Variants in INO80 observed in about 807,000 individuals in gnomAD.
The protein encoded by INO80 is chromatin-remodeling ATPase INO80.
Under a neutral mutation model 203.4 loss-of-function variants are expected in INO80, and 20 were observed. The observed-to-expected ratio is 0.10, with a 90% confidence interval of 0.07 to 0.14. The LOEUF (loss-of-function observed/expected upper bound fraction) is 0.14, where lower values mean the gene tolerates loss of function less well. Among genes scored for constraint, INO80 ranks in the 10% least tolerant of loss-of-function variants. The pLI, the probability that INO80 is intolerant of heterozygous loss-of-function variation, is 1.00. For missense variants in INO80, 1,419 were observed against 1,914.4 expected (o/e 0.74, Z 4.83); for synonymous variants, 726 against 685.2 (o/e 1.06, Z -0.93).
At chr15:41,098,886 T>C (rs980626713) in intron 1 of INO80, among the ~76,000 whole-genome samples, 1 of 151,764 alleles carries the variant, frequency 6.6e-6, no homozygotes, top group African/African-American at 2.4e-5. Context: ...AATAGACACA[T>C]GAAAAAATGC....
chr15:41,046,705 C>G (rs2044773790), intron 23 of INO80, among the ~76,000 whole-genome samples: 1 of 151,960 alleles, frequency 6.6e-6, no homozygotes, highest in South Asian at 2.1e-4. Context: ...GCAACCTCCA[C>G]CTCCTGGGTT....
chr15:41,034,951 G>A (rs1452986562), intron 24 of INO80, among the ~76,000 whole-genome samples: 1 of 152,090 alleles, frequency 6.6e-6, no homozygotes, highest in Non-Finnish European at 1.5e-5. Flanking sequence ...TGAAAATACA[G>A]AGCTTGCAAT....
At chr15:41,061,925 T>G (rs1299890248) in intron 14 of INO80, among the ~76,000 whole-genome samples, 1 of 152,202 alleles carries the variant, frequency 6.6e-6, no homozygotes, top group Non-Finnish European at 1.5e-5. Flanking sequence ...ACTTTTTCTG[T>G]GATGTTTTCT....
rs763562840 is a variant in INO80 at position 40,980,340 on chromosome 15, C to G, written c.4554G>C (p.Leu1518Phe). Reference sequence around the variant, plus strand: ...TCCCAGGAACATTATTTCCCTTGCTCAAAGGGGAACTCAAAGGAGAAGAGG... The same window carrying G: ...TCCCAGGAACATTATTTCCCTTGCTGAAAGGGGAACTCAAAGGAGAAGAGG... ...SSASSPLSSP[L>F]SKGNNVPGNP... is the part of the protein sequence containing the mutation. Residue 1518 changes from leucine to phenylalanine, a missense_variant, in exon 36 of 36, where the codon TTG (leucine) becomes TTC (phenylalanine). Leu to Phe is a conservative substitution (Grantham distance 22). Around this residue, in one of 9 missense-constraint regions of INO80, gnomAD observed 112 missense variants for 106.2 expected, o/e 1.05. Coordinates refer to ENST00000648947, the MANE Select transcript of INO80 (RefSeq NM_017553.3). The G allele has an allele frequency of 1.4e-5, 23 of 1,613,714 alleles. No homozygotes were observed. In the Admixed American group the frequency reaches 2.8e-4, roughly 20 times the overall value.
intron 24 of INO80, among the ~76,000 whole-genome samples, chr15:41,035,821 CAAAAA>C (rs71104768): frequency 9.9e-4 from 20 of 20,146 alleles, no homozygotes; most frequent in Middle Eastern, 0.2. Flanking sequence ...GACTCTGTCT[CAAAAA>C]AAAAAAAAAA....
intron 24 of INO80, among the ~76,000 whole-genome samples, chr15:41,028,054 G>C (rs910386078): frequency 2.0e-5 from 3 of 152,072 alleles, no homozygotes; most frequent in African/African-American, 7.2e-5. Context: ...GGAATGTCAG[G>C]GGAAGTTTGG....
chr15:41,002,940 T>G (rs915532346), intron 28 of INO80, among the ~76,000 whole-genome samples: 2 of 152,006 alleles, frequency 1.3e-5, no homozygotes, highest in African/African-American at 4.8e-5. Context: ...TTGTCTCTAC[T>G]AAAAATACAA....
intron 29 of INO80, among the ~76,000 whole-genome samples, chr15:40,993,669 G>T (rs566445497): frequency 6.6e-6 from 1 of 152,118 alleles, no homozygotes; most frequent in Non-Finnish European, 1.5e-5. Context: ...TGAGGTGGGA[G>T]AATCACTTGA....
At chr15:41,078,136 G>A (rs1376092681) in intron 9 of INO80, among the ~76,000 whole-genome samples, 5 of 151,998 alleles carry the variant, frequency 3.3e-5, no homozygotes, top group Non-Finnish European at 7.4e-5. Context: ...CTGACCTTGT[G>A]ATCCACCCAC....
intron 16 of INO80, 83 bp from the exon 17 acceptor site, chr15:41,056,789 ATGCCTTCC>A: frequency 3.6e-6 from 4 of 1,105,804 alleles, no homozygotes; most frequent in African/African-American, 1.6e-5. Flanking sequence ...ATTGACAAAA[ATGCCTTCC>A]AAAAAACTAA....
intron 1 of INO80, among the ~76,000 whole-genome samples, chr15:41,100,689 A>AT (rs1229746104): frequency 3.9e-5 from 6 of 152,136 alleles, no homozygotes; most frequent in Non-Finnish European, 8.8e-5. Flanking sequence ...ACCAAGTTAT[A>AT]TTTTTTAAGT....
chr15:41,041,027 C>T (rs1156484516), intron 24 of INO80, among the ~76,000 whole-genome samples: 5 of 152,126 alleles, frequency 3.3e-5, no homozygotes, highest in Non-Finnish European at 5.9e-5. Context: ...TAAGACACCA[C>T]TACCCAACAA....
intron 26 of INO80, chr15:41,017,526 G>A (rs1309118395): frequency 2.6e-5 from 4 of 152,208 alleles, no homozygotes; most frequent in South Asian, 2.1e-4. Context: ...CAGTCTGACC[G>A]TTGACAGCAA....
chr15:41,064,661 C>G (rs2045177086), intron 14 of INO80, among the ~76,000 whole-genome samples: 1 of 152,076 alleles, frequency 6.6e-6, no homozygotes, highest in Non-Finnish European at 1.5e-5. Context: ...CTATTAGAAG[C>G]TGAAAATCAA....
At chr15:41,009,114 C>T (rs1279704887) in intron 27 of INO80, among the ~76,000 whole-genome samples, 1 of 152,134 alleles carries the variant, frequency 6.6e-6, no homozygotes, top group Non-Finnish European at 1.5e-5. Context: ...TTGCAGGCAT[C>T]AGCCACCACA....
chr15:41,082,454 A>G (rs973260511), intron 7 of INO80, among the ~76,000 whole-genome samples: 4 of 151,900 alleles, frequency 2.6e-5, no homozygotes, highest in Admixed American at 2.6e-4. Flanking sequence ...TAATCCCAGC[A>G]CTTTGGGAGG....
intron 5 of INO80, among the ~76,000 whole-genome samples, chr15:41,088,423 A>G (rs2045591748): frequency 6.6e-6 from 1 of 151,916 alleles, no homozygotes; most frequent in Non-Finnish European, 1.5e-5. Flanking sequence ...TTGCTTTTCT[A>G]TTAGTCATAT....
intron 28 of INO80, among the ~76,000 whole-genome samples, chr15:41,003,266 A>T (rs1295815735): frequency 6.6e-6 from 1 of 151,898 alleles, no homozygotes; most frequent in African/African-American, 2.4e-5. Flanking sequence ...CTATACATAC[A>T]TTAAAGACTA....
chr15:41,051,455 A>G (rs2044869604), intron 19 of INO80, among the ~76,000 whole-genome samples: 1 of 151,184 alleles, frequency 6.6e-6, no homozygotes, highest in African/African-American at 2.4e-5. Context: ...AACACATACT[A>G]TACACAGTGG....
Sources: allele counts gnomAD v4.1 joint callset (sites outside exome capture counted in the v4.1 genomes callset), GRCh38; gene constraint gnomAD v4.1.1; regional missense constraint gnomAD v4.1.1; transcripts MANE v1.5; gene names NCBI Gene and HGNC (gene_info 2026-07-23, HGNC 2026-07-21).